Variants in COPG2 observed in about 807,000 individuals in gnomAD.
The protein encoded by COPG2 is coatomer subunit gamma-2.
COPG2 carries 37 observed loss-of-function variants against 46.3 expected under a neutral mutation model. That is an observed-to-expected ratio of 0.80 (90% confidence interval 0.61 to 1.05). The LOEUF (loss-of-function observed/expected upper bound fraction) is 1.05, where lower values mean the gene tolerates loss of function less well. COPG2 is among the 50% of genes least tolerant of loss of function. The probability of loss-of-function intolerance (pLI) is 0.00; values close to 1 mark genes in which losing one functional copy is unlikely to be tolerated. For synonymous variants in COPG2, 159 were observed against 129.7 expected, an observed-to-expected ratio of 1.23 and a Z score of -1.53; for missense variants, 427 against 387.8, an observed-to-expected ratio of 1.10 and a Z score of -0.85.
intron 5 of COPG2, among the ~76,000 whole-genome samples, chr7:130,639,771 G>T (rs1451038255): frequency 6.6e-6 from 1 of 152,174 alleles, no homozygotes; most frequent in African/African-American, 2.4e-5. Context: ...ATTCCTCCAT[G>T]TCTTTCCTCA....
chr7:130,656,865 T>C (rs1554459989), intron 4 of COPG2, among the ~76,000 whole-genome samples: 1 of 151,796 alleles, frequency 6.6e-6, no homozygotes, highest in East Asian at 1.9e-4. Flanking sequence ...ATAATGTCCA[T>C]TCTCCTAAAA....
rs868962081 is a variant in COPG2 at position 130,653,024 on chromosome 7, C to T, written c.244-76G>A. 2.9e-5 allele frequency: 25 copies of T among 855,072 alleles called. No individual in the cohort carries two copies. The South Asian group carries it at 3.8e-4, about 13-fold the overall frequency. 53.0% of individuals were successfully genotyped at this position (855,072 alleles called of 1,614,324 possible). ...TTTAAATTATTTGAAGTGAGGACCC[C>T]AAGTAGATATATATTTTAGAAAGAT... On this transcript the variant is annotated intron_variant, in intron 4 of 23. Coordinates refer to ENST00000425248, the MANE Select transcript of COPG2 (RefSeq NM_012133.6).
intron 4 of COPG2, among the ~76,000 whole-genome samples, chr7:130,653,791 C>G (rs1440594312): frequency 6.6e-6 from 1 of 151,994 alleles, no homozygotes; most frequent in East Asian, 1.9e-4. Flanking sequence ...AACCTTGATA[C>G]TACTGAACCC....
intron 7 of COPG2, 131 bp downstream of exon 7, chr7:130,613,413 C>G: frequency 1.5e-6 from 1 of 658,226 alleles, no homozygotes; most frequent in Non-Finnish European, 2.7e-6. Flanking sequence ...ATAAAACACA[C>G]TTGGATAAAG....
chr7:130,599,058 G>A (rs1794583400), intron 9 of COPG2, among the ~76,000 whole-genome samples: 2 of 152,190 alleles, frequency 1.3e-5, no homozygotes, highest in African/African-American at 2.4e-5. Flanking sequence ...CCTTAGAGCA[G>A]GCAGCCAGAG....
chr7:130,593,351 C>A (rs1309464696), intron 9 of COPG2, among the ~76,000 whole-genome samples: 2 of 152,112 alleles, frequency 1.3e-5, no homozygotes, highest in Non-Finnish European at 2.9e-5. Flanking sequence ...TTATTAATGG[C>A]CTTGGTGAGA....
intron 5 of COPG2, among the ~76,000 whole-genome samples, chr7:130,621,874 A>T (rs1795044410): frequency 7.1e-6 from 1 of 141,606 alleles, no homozygotes; most frequent in South Asian, 2.6e-4. Flanking sequence ...AACCCAGGAG[A>T]TGGAGGTTGC....
chr7:130,538,651 C>T (rs971778640), intron 20 of COPG2, among the ~76,000 whole-genome samples: 1 of 140,694 alleles, frequency 7.1e-6, no homozygotes, highest in Non-Finnish European at 1.5e-5. Context: ...CTGCATGGAA[C>T]GTACTGGCAG....
chr7:130,607,794 T>C (rs1554451485), intron 9 of COPG2: 3 of 520,134 alleles, frequency 5.8e-6, no homozygotes, highest in Non-Finnish European at 1.2e-5. Flanking sequence ...TGTAGCTTTC[T>C]GTCATCCTAC....
At position 130,562,217 on chromosome 7, in the gene COPG2, G is replaced by A. The variant is rs1345978162; in HGVS notation, c.940-996C>T. ...CTACTAAAAATACAAAAATTAGCCG[G>A]ACGTGGTGGCAGGTGCCTGTGATCC... is the stretch of plus-strand genomic sequence containing the variant. On this transcript the variant is annotated intron_variant, in intron 11 of 23. Transcript: ENST00000425248. Among the ~76,000 whole-genome samples the A allele has an allele frequency of 3.3e-5, 5 of 152,258 alleles. No individual in the cohort carries two copies. The East Asian group carries it at 9.6e-4, about 29-fold the overall frequency.
intron 20 of COPG2, among the ~76,000 whole-genome samples, chr7:130,525,421 G>A (rs1315215238): frequency 3.3e-5 from 5 of 152,170 alleles, no homozygotes; most frequent in Admixed American, 6.5e-5. Context: ...AAATGACTCA[G>A]GTTAAATGAA....
intron 9 of COPG2, among the ~76,000 whole-genome samples, chr7:130,601,377 G>A (rs1409510119): frequency 1.3e-5 from 2 of 152,096 alleles, no homozygotes; most frequent in African/African-American, 2.4e-5. Context: ...TGTTTATTGT[G>A]GCACTATTCA....
intron 9 of COPG2, 68 bp downstream of exon 9, chr7:130,610,885 G>A: frequency 6.5e-7 from 1 of 1,527,038 alleles, no homozygotes; most frequent in Non-Finnish European, 9.1e-7. Flanking sequence ...ATTCAAAAAG[G>A]AAATAAACTC....
chr7:130,528,015 A>G (rs1167020596), intron 20 of COPG2, among the ~76,000 whole-genome samples: 1 of 152,086 alleles, frequency 6.6e-6, no homozygotes, highest in Non-Finnish European at 1.5e-5. Context: ...GGAAAGGCGC[A>G]AAGGGGAATG....
intron 20 of COPG2, among the ~76,000 whole-genome samples, chr7:130,523,961 G>T (rs1312541479): frequency 1.3e-5 from 2 of 152,182 alleles, no homozygotes; most frequent in East Asian, 3.9e-4. Context: ...GTGCTGGCGG[G>T]GCAGGGGGAT....
chr7:130,604,804 G>C (rs549581871), intron 9 of COPG2: 5 of 481,312 alleles, frequency 1.0e-5, no homozygotes, highest in Non-Finnish European at 2.0e-5. Flanking sequence ...GTTTAGTGGA[G>C]TTTTTTTGTA....
intron 9 of COPG2, among the ~76,000 whole-genome samples, chr7:130,590,548 T>C (rs1776108665): frequency 6.6e-6 from 1 of 152,036 alleles, no homozygotes; most frequent in African/African-American, 2.4e-5. Context: ...GGAGTTGCGT[T>C]CACTCAGTGC....
intron 9 of COPG2, among the ~76,000 whole-genome samples, chr7:130,590,977 C>T (rs587601301): frequency 1.3e-5 from 2 of 149,694 alleles, no homozygotes; most frequent in Admixed American, 6.6e-5. Flanking sequence ...CCCCTCCGCC[C>T]GGCAGCCACC....
intron 9 of COPG2, among the ~76,000 whole-genome samples, chr7:130,568,673 G>C (rs1793845157): frequency 6.6e-6 from 1 of 152,122 alleles, no homozygotes; most frequent in African/African-American, 2.4e-5. Flanking sequence ...AGTCAACAAA[G>C]AAACAACGGA....
Sources: allele counts gnomAD v4.1 joint callset (sites outside exome capture counted in the v4.1 genomes callset), GRCh38; gene constraint gnomAD v4.1.1; transcripts MANE v1.5; gene names NCBI Gene and HGNC (gene_info 2026-07-23, HGNC 2026-07-21).